TENM1: variants seen among roughly 807,000 people sequenced by gnomAD.
TENM1 encodes teneurin transmembrane protein 1, also known as teneurin-1.
Under a neutral mutation model 174.8 loss-of-function variants are expected in TENM1, and 35 were observed. That is an observed-to-expected ratio of 0.20 (90% CI 0.15 to 0.27). The LOEUF (loss-of-function observed/expected upper bound fraction) is 0.27, where lower values mean the gene tolerates loss of function less well. Ranked by LOEUF, TENM1 falls within the 10% of genes least tolerant of loss-of-function variation. TENM1 has a pLI of 1.00. For missense variants in TENM1, 1,633 were observed against 2,130.1 expected, an observed-to-expected ratio of 0.77 and a Z score of 4.59; for synonymous variants, 781 against 798.7, an observed-to-expected ratio of 0.98 and a Z score of 0.37.
intron 22 of TENM1, among the ~76,000 whole-genome samples, chrX:124,462,612 A>G (rs2061191261): frequency 9.0e-6 from 1 of 111,054 alleles, no homozygotes; most frequent in Non-Finnish European, 1.9e-5. Context: ...TAACCCACAG[A>G]AGCTGTTACT....
chrX:124,972,468 T>C, the TENM1 span, among the ~76,000 whole-genome samples: 36 of 111,815 alleles, frequency 3.2e-4, no homozygotes, highest in African/African-American at 1.2e-3. Context: ...AAACAATTTG[T>C]TAGTCTAATT....
At chrX:124,849,255 C>T (rs1002827192) in intron 3 of TENM1, among the ~76,000 whole-genome samples, 6 of 111,160 alleles carry the variant, frequency 5.4e-5, no homozygotes, top group Non-Finnish European at 7.6e-5. Context: ...CATATTTATG[C>T]CATTTTATAA....
chrX:124,436,417 C>T (rs1319902319), intron 23 of TENM1, among the ~76,000 whole-genome samples: 1 of 111,081 alleles, frequency 9.0e-6, no homozygotes, highest in Admixed American at 9.6e-5. Context: ...CCTGACTGCA[C>T]TTCCAGCTCC....
intron 5 of TENM1, among the ~76,000 whole-genome samples, chrX:124,693,509 TC>T (rs768901300): frequency 3.6e-5 from 4 of 111,674 alleles, no homozygotes; most frequent in African/African-American, 1.3e-4. Flanking sequence ...CATCATTGCA[TC>T]TTTTTCATTT....
chrX:125,164,157 G>C, the TENM1 span, among the ~76,000 whole-genome samples: 1 of 111,698 alleles, frequency 9.0e-6, no homozygotes, highest in Non-Finnish European at 1.9e-5. Flanking sequence ...AAAACAACTA[G>C]TTACTTGACT....
At chrX:124,971,244 C>T in the TENM1 span, among the ~76,000 whole-genome samples, 17 of 110,067 alleles carry the variant, frequency 1.5e-4, no homozygotes, top group African/African-American at 5.0e-4. Flanking sequence ...ATGCAACAAA[C>T]CTGCACGTTG....
At chrX:125,196,005 AGAAGGAAC>A in the TENM1 span, among the ~76,000 whole-genome samples, 40 of 96,386 alleles carry the variant, frequency 4.1e-4, no homozygotes, top group African/African-American at 1.7e-3. Flanking sequence ...AAGGAAGAAA[AGAAGGAAC>A]GAAGGAAGGA....
chrX:125,200,630 CGTGTGT>C, the TENM1 span, among the ~76,000 whole-genome samples: 4 of 92,280 alleles, frequency 4.3e-5, no homozygotes, highest in East Asian at 6.5e-4. Flanking sequence ...CAATTGCTTC[CGTGTGT>C]GTGTGTGTGT....
chrX:124,590,594 C>T (rs372879717), intron 11 of TENM1, among the ~76,000 whole-genome samples: 1 of 111,574 alleles, frequency 9.0e-6, no homozygotes, highest in South Asian at 3.8e-4. Flanking sequence ...CACTGTGGTC[C>T]AAGAGTATGG....
chrX:124,745,367 A>G (rs1010738252), intron 3 of TENM1, among the ~76,000 whole-genome samples: 3 of 111,839 alleles, frequency 2.7e-5, no homozygotes, highest in Non-Finnish European at 5.6e-5. Flanking sequence ...CACAAGAGCC[A>G]GAGGATTCTC....
At chrX:125,198,349 T>TA in the TENM1 span, among the ~76,000 whole-genome samples, 1 of 111,858 alleles carries the variant, frequency 8.9e-6, no homozygotes, top group African/African-American at 3.2e-5. Context: ...CTATCATCAC[T>TA]AACTAGGCTT....
intron 3 of TENM1, among the ~76,000 whole-genome samples, chrX:124,832,905 A>T (rs1162958355): frequency 8.9e-6 from 1 of 112,385 alleles, no homozygotes; most frequent in Non-Finnish European, 1.9e-5. Flanking sequence ...TCTAGCAAAT[A>T]GTAAGTATGC....
chrX:124,825,957 C>A (rs2056149991), intron 3 of TENM1, among the ~76,000 whole-genome samples: 1 of 112,152 alleles, frequency 8.9e-6, no homozygotes, highest in Non-Finnish European at 1.9e-5. Context: ...TCGGTTGTAA[C>A]ATAATTTAGT....
At chrX:124,457,485 A>C (rs1335365334) in intron 22 of TENM1, among the ~76,000 whole-genome samples, 2 of 112,422 alleles carry the variant, frequency 1.8e-5, no homozygotes, top group African/African-American at 6.5e-5. Context: ...TGTATGAAAC[A>C]GCTGCAAATT....
chrX:124,589,608 G>C (rs1238272255), intron 11 of TENM1, among the ~76,000 whole-genome samples: 1 of 110,705 alleles, frequency 9.0e-6, no homozygotes, highest in Non-Finnish European at 1.9e-5. Flanking sequence ...ATATTCATCT[G>C]TTCAGGCTTT....
At chrX:124,646,595 C>T in intron 9 of TENM1, 114 bp downstream of exon 12, 1 of 517,078 alleles carries the variant, frequency 1.9e-6, no homozygotes, top group Admixed American at 3.5e-5. Context: ...GGGAACACTG[C>T]TGCTGTTGCT....
chrX:124,628,138 T>C (rs1473450928), intron 11 of TENM1, among the ~76,000 whole-genome samples: 3 of 111,815 alleles, frequency 2.7e-5, no homozygotes, highest in Non-Finnish European at 3.8e-5. Flanking sequence ...CCAAAAAGGA[T>C]TGTTAGTCAG....
At chrX:124,518,986 A>T (rs760536325) in intron 18 of TENM1, among the ~76,000 whole-genome samples, 5 of 112,309 alleles carry the variant, frequency 4.5e-5, no homozygotes, top group Non-Finnish European at 9.4e-5. Flanking sequence ...TGAATATGAG[A>T]TACACAGCAA....
At chrX:124,411,121 G>A (rs935761715) in intron 25 of TENM1, among the ~76,000 whole-genome samples, 1 of 111,855 alleles carries the variant, frequency 8.9e-6, no homozygotes, top group Admixed American at 9.5e-5. Flanking sequence ...CACCTTTTCA[G>A]CTAAGTTATT....
Sources: gnomAD v4.1 joint callset for allele counts (sites outside exome capture counted in the v4.1 genomes callset) on GRCh38, gnomAD v4.1.1 for gene constraint, MANE v1.5 for transcripts, NCBI Gene and HGNC (gene_info 2026-07-23, HGNC 2026-07-21) for gene names.